TIMM23: variants seen among roughly 807,000 people sequenced by gnomAD.
The protein encoded by TIMM23 is translocase of inner mitochondrial membrane 23, also known as mitochondrial import inner membrane translocase subunit Tim23.
A neutral mutation model predicts 30.7 loss-of-function variants in TIMM23; 19 were observed. The ratio of observed to expected loss-of-function variants is 0.62; its 90% CI spans 0.43 to 0.91. The LOEUF (loss-of-function observed/expected upper bound fraction) is 0.91. TIMM23 is among the 40% of genes least tolerant of loss of function. The pLI, the probability that TIMM23 is intolerant of heterozygous loss-of-function variation, is 0.00. For synonymous variants in TIMM23, 78 were observed against 98.5 expected, an observed-to-expected ratio of 0.79 and a Z score of 1.23; for missense variants, 202 against 269.2, an observed-to-expected ratio of 0.75 and a Z score of 1.75.
intron 6 of TIMM23, among the ~76,000 whole-genome samples, chr10:45,996,230 T>G (rs1554916682): frequency 7.0e-6 from 1 of 143,146 alleles, no homozygotes; most frequent in South Asian, 2.2e-4. Flanking sequence ...GGCATGGTGG[T>G]GGGTGCCTGT....
chr10:45,975,429 A>C, intron 1 of TIMM23, 25 bp from the exon 2 acceptor site: 2 of 1,613,572 alleles, frequency 1.2e-6, no homozygotes, highest in Non-Finnish European at 1.7e-6. Flanking sequence ...TTTTGTTGCA[A>C]TGTGACATTT....
intron 5 of TIMM23, 56 bp downstream of exon 5, chr10:45,985,497 A>T: frequency 1.3e-6 from 2 of 1,597,952 alleles, no homozygotes; most frequent in South Asian, 1.1e-5. Flanking sequence ...CACAAATATC[A>T]TGAACAATTT....
intron 6 of TIMM23, among the ~76,000 whole-genome samples, chr10:45,989,955 G>A (rs1554915375): frequency 6.6e-6 from 1 of 151,870 alleles, no homozygotes. Flanking sequence ...TTAAGTCAAG[G>A]TTTTTATCTT....
At chr10:45,985,311 A>G in intron 4 of TIMM23, 72 bp from the exon 5 acceptor site, 6 of 1,594,338 alleles carry the variant, frequency 3.8e-6, no homozygotes, top group Non-Finnish European at 5.2e-6. Flanking sequence ...TTAAATAGCC[A>G]TTATTGTTTT....
chr10:45,990,674 C>T (rs1343175360), intron 6 of TIMM23: 8 of 426,304 alleles, frequency 1.9e-5, no homozygotes, highest in Non-Finnish European at 3.7e-5. Flanking sequence ...CATCCTGCCT[C>T]AGCCTCCCAA....
At position 45,983,006 on chromosome 10, in the gene TIMM23, C is replaced by T. The variant is rs1554914284; in HGVS notation, c.344+76C>T. 14 of 1,577,050 alleles carry T rather than the reference C, an allele frequency of 8.9e-6. No individual in the cohort carries two copies. The South Asian group carries it at 1.5e-4, about 16-fold the overall frequency. ...GTTGTATTGGTTTGATGAGTACAACCTTGAGATTACAGATGGTTAGCATAG... is the reference window on the plus strand; with the variant it reads ...GTTGTATTGGTTTGATGAGTACAACTTTGAGATTACAGATGGTTAGCATAG... On this transcript the variant is annotated intron_variant, in intron 4 of 6. Coordinates refer to ENST00000580018, the MANE Select transcript of TIMM23 (RefSeq NM_006327.4).
intron 6 of TIMM23, chr10:45,992,376 A>G: frequency 2.2e-6 from 1 of 455,446 alleles, no homozygotes; most frequent in Non-Finnish European, 4.4e-6. Flanking sequence ...GAATTGTCCT[A>G]GATCTCTTTG....
chr10:46,002,434 G>T, intron 6 of TIMM23: 1 of 857,340 alleles, frequency 1.2e-6, no homozygotes, highest in Non-Finnish European at 1.4e-6. Context: ...CTCCCAAAGT[G>T]CTGGGATTAC....
At chr10:45,999,285 T>G (rs1220025992) in intron 6 of TIMM23, among the ~76,000 whole-genome samples, 1 of 152,164 alleles carries the variant, frequency 6.6e-6, no homozygotes, top group Non-Finnish European at 1.5e-5. Context: ...GGACTACAGA[T>G]GCATGCCACC....
chr10:45,985,292 C>A (rs1210429601), intron 4 of TIMM23, 91 bp from the exon 5 acceptor site: 1 of 1,513,470 alleles, frequency 6.6e-7, no homozygotes, highest in Non-Finnish European at 9.2e-7. Context: ...CGCCCTGGGT[C>A]TAGACATGTT....
intron 6 of TIMM23, among the ~76,000 whole-genome samples, chr10:45,996,870 T>C (rs1590130070): frequency 6.7e-6 from 1 of 150,038 alleles, no homozygotes; most frequent in Non-Finnish European, 1.5e-5. Flanking sequence ...AAGGCTGAGA[T>C]GGGAGAATCA....
At chr10:45,997,031 A>G (rs1430704431) in intron 6 of TIMM23, among the ~76,000 whole-genome samples, 1 of 151,312 alleles carries the variant, frequency 6.6e-6, no homozygotes, top group African/African-American at 2.4e-5. Context: ...AGATTGCTTG[A>G]GCCCAGGAAT....
At chr10:45,985,499 G>A (rs1837966328) in intron 5 of TIMM23, 58 bp downstream of exon 5, 1 of 1,595,272 alleles carries the variant, frequency 6.3e-7, no homozygotes, top group Admixed American at 1.7e-5. Context: ...CAAATATCAT[G>A]AACAATTTGA....
At chr10:45,974,868 A>G (rs1197923987) in intron 1 of TIMM23, among the ~76,000 whole-genome samples, 5 of 151,866 alleles carry the variant, frequency 3.3e-5, no homozygotes, top group African/African-American at 1.2e-4. Context: ...TACTGTTTTC[A>G]ATGTTAGTGA....
intron 2 of TIMM23, 122 bp downstream of exon 2, chr10:45,975,634 C>T: frequency 7.6e-7 from 1 of 1,311,386 alleles, no homozygotes; most frequent in Non-Finnish European, 1.1e-6. Context: ...GGTCTCCATT[C>T]ACCCTTTTTT....
At chr10:45,999,377 T>C (rs912269945) in intron 6 of TIMM23, among the ~76,000 whole-genome samples, 487 of 152,228 alleles carry the variant, frequency 3.2e-3, no homozygotes, top group African/African-American at 0.01. Context: ...TTCTTTTCTA[T>C]TTTCCTTAAG....
At chr10:45,993,244 C>CTTTTTTTTTTTTTTTTTTT (rs782013689) in intron 6 of TIMM23, among the ~76,000 whole-genome samples, 11 of 72,040 alleles carry the variant, frequency 1.5e-4, no homozygotes, top group African/African-American at 4.1e-4. Context: ...TCTACCATCA[C>CTTTTTTTTTTTTTTTTTTT]TTTTTTTTTT....
intron 1 of TIMM23, 26 bp from the exon 2 acceptor site, chr10:45,975,428 A>G (rs782227262): frequency 1.9e-6 from 3 of 1,613,582 alleles, no homozygotes; most frequent in South Asian, 2.2e-5. Context: ...ATTTTGTTGC[A>G]ATGTGACATT....
At chr10:45,998,914 C>A (rs1186033140) in intron 6 of TIMM23, among the ~76,000 whole-genome samples, 2 of 150,450 alleles carry the variant, frequency 1.3e-5, no homozygotes, top group African/African-American at 4.9e-5. Context: ...CTCACTGCAA[C>A]CTCCACCCAC....
Sources: gnomAD v4.1 joint callset for allele counts (sites outside exome capture counted in the v4.1 genomes callset) on GRCh38, gnomAD v4.1.1 for gene constraint, MANE v1.5 for transcripts, NCBI Gene and HGNC (gene_info 2026-07-23, HGNC 2026-07-21) for gene names.